SCD5: variants seen among roughly 807,000 people sequenced by gnomAD.
The protein encoded by SCD5 is stearoyl-CoA desaturase 5.
A neutral mutation model predicts 30.4 loss-of-function variants in SCD5; 20 were observed. The observed-to-expected ratio is 0.66, with a 90% confidence interval of 0.46 to 0.96. SCD5 has a LOEUF of 0.96. Ranked by LOEUF, SCD5 falls within the 40% of genes least tolerant of loss-of-function variation. The pLI, the probability that SCD5 is intolerant of heterozygous loss-of-function variation, is 0.00. For synonymous variants in SCD5, 173 were observed against 176.4 expected, an observed-to-expected ratio of 0.98 and a Z score of 0.16; for missense variants, 381 against 443.3, an observed-to-expected ratio of 0.86 and a Z score of 1.26.
chr4:82,654,574 A>T (rs1481832398), intron 3 of SCD5, among the ~76,000 whole-genome samples: 1 of 152,144 alleles, frequency 6.6e-6, no homozygotes, highest in African/African-American at 2.4e-5. Context: ...GGAGAATGTG[A>T]ACTTCTAATT....
rs571434017 is a variant in SCD5, at chr4:82,790,292, T to C, written c.232+8014A>G. ...CCAGTGGGAAGGCTGCAGGGAGCCC[T>C]GGGCAGCCTCTCTTTCCACAAACCA... On this transcript the variant is annotated intron_variant, in intron 1 of 4. Coordinates refer to ENST00000319540, the MANE Select transcript of SCD5 (RefSeq NM_001037582.3). Among the ~76,000 whole-genome samples the C allele has an allele frequency of 5.3e-5, 8 of 152,328 alleles. No homozygotes were observed. The South Asian group carries it at 1.7e-3, about 32-fold the overall frequency.
intron 3 of SCD5, among the ~76,000 whole-genome samples, chr4:82,676,423 C>A (rs1728437872): frequency 6.6e-6 from 1 of 152,154 alleles, no homozygotes. Flanking sequence ...GGTGGAAGTC[C>A]CTAGCCTGTG....
chr4:82,665,215 T>C (rs1261768673), intron 3 of SCD5, among the ~76,000 whole-genome samples: 2 of 125,658 alleles, frequency 1.6e-5, no homozygotes, highest in South Asian at 5.1e-4. Context: ...GAAGCCTGAG[T>C]GATGAGACCC....
rs539329081 is a variant in SCD5 at position 82,630,874 on chromosome 4, C to G, written c.*453G>C. ...CTGTAATCCCAGCTCTTTGGGAGGC[C>G]GAGGCGGGTGGATTGCCTGAGGTCA... On this transcript the variant is annotated 3_prime_UTR_variant, in exon 5 of 5. Transcript: ENST00000319540. The G allele has an allele frequency of 5.2e-4, 79 of 152,474 alleles. No individual in the cohort carries two copies. The highest frequency in any genetic ancestry group is 9.2e-4 in the Admixed American group (14 of 15,298). 9.4% of individuals were successfully genotyped at this position (152,474 alleles called of 1,614,324 possible).
At chr4:82,710,807 A>AGAGG (rs1218357905) in intron 1 of SCD5, among the ~76,000 whole-genome samples, 5 of 140,638 alleles carry the variant, frequency 3.6e-5, no homozygotes, top group South Asian at 2.7e-4. Context: ...GGAGAGGGAG[A>AGAGG]GAGGGAGGGA....
chr4:82,781,372 C>T (rs141614861), intron 1 of SCD5, among the ~76,000 whole-genome samples: 3,472 of 151,068 alleles, frequency 0.023, 134 homozygotes, highest in African/African-American at 0.079. Flanking sequence ...GCTGGGATCA[C>T]GCCACTGCAC....
intron 1 of SCD5, among the ~76,000 whole-genome samples, chr4:82,774,085 T>C (rs1721686767): frequency 1.6e-5 from 2 of 125,240 alleles, no homozygotes; most frequent in Non-Finnish European, 3.3e-5. Context: ...TGAGACTCCA[T>C]CTCAAAAAAA....
At chr4:82,711,741 A>G (rs953226467) in intron 1 of SCD5, among the ~76,000 whole-genome samples, 2 of 151,932 alleles carry the variant, frequency 1.3e-5, no homozygotes, top group African/African-American at 4.8e-5. Flanking sequence ...AATGTCAAAC[A>G]TGTCAATAGT....
At chr4:82,740,615 C>G (rs1474894543) in intron 1 of SCD5, among the ~76,000 whole-genome samples, 1 of 152,208 alleles carries the variant, frequency 6.6e-6, no homozygotes, top group South Asian at 2.1e-4. Context: ...GAACCCTATT[C>G]TCTAAACCAA....
chr4:82,705,088 C>G (rs1719939901), intron 2 of SCD5, among the ~76,000 whole-genome samples, 195 bp downstream of exon 2: 2 of 152,218 alleles, frequency 1.3e-5, no homozygotes, highest in African/African-American at 2.4e-5. Flanking sequence ...CCTTAGGGCA[C>G]AAAACCCCCC....
intron 1 of SCD5, among the ~76,000 whole-genome samples, chr4:82,705,621 C>A (rs866033803): frequency 2.6e-5 from 4 of 152,230 alleles, no homozygotes; most frequent in South Asian, 2.1e-4. Flanking sequence ...CTTTCTTCAG[C>A]AAACTTTGAC....
intron 2 of SCD5, among the ~76,000 whole-genome samples, chr4:82,701,190 T>C (rs1286368959): frequency 6.6e-6 from 1 of 152,188 alleles, no homozygotes; most frequent in Non-Finnish European, 1.5e-5. Context: ...TTCGATTAGT[T>C]GTAAATGTAT....
intron 3 of SCD5, among the ~76,000 whole-genome samples, chr4:82,642,051 G>C (rs1379991117): frequency 1.3e-5 from 2 of 152,096 alleles, no homozygotes; most frequent in Non-Finnish European, 2.9e-5. Flanking sequence ...CCTAGAGAGA[G>C]ATGGGGACGG....
intron 3 of SCD5, 108 bp downstream of exon 3, chr4:82,680,599 A>T: frequency 1.0e-6 from 1 of 980,228 alleles, no homozygotes; most frequent in Non-Finnish European, 1.5e-6. Context: ...CAAAATTGTT[A>T]GGGCAAATGC....
intron 1 of SCD5, among the ~76,000 whole-genome samples, chr4:82,737,441 C>T (rs1371017252): frequency 6.6e-6 from 1 of 152,064 alleles, no homozygotes; most frequent in Non-Finnish European, 1.5e-5. Flanking sequence ...CCCTCTAAGT[C>T]ACTTTGACTA....
chr4:82,725,585 C>T (rs1187135676), intron 1 of SCD5, among the ~76,000 whole-genome samples: 1 of 152,024 alleles, frequency 6.6e-6, no homozygotes, highest in Non-Finnish European at 1.5e-5. Flanking sequence ...CTGGACCGGG[C>T]GTGGTGGCTC....
rs568096890 is a variant in SCD5 at position 82,761,895 on chromosome 4, G to A, written c.232+36411C>T. ...CCTAGAAACCTTACACTCCATGGCCGGGCGTAGTGGCTCATGCCTGTAATC... is the reference window on the plus strand; with the variant it reads ...CCTAGAAACCTTACACTCCATGGCCAGGCGTAGTGGCTCATGCCTGTAATC... On this transcript the variant is annotated intron_variant, in intron 1 of 4. Transcript: ENST00000319540. Among the ~76,000 whole-genome samples, 4 of 152,004 alleles carry A rather than the reference G, an allele frequency of 2.6e-5. No homozygotes were observed. The South Asian group carries it at 6.2e-4, about 24-fold the overall frequency.
At chr4:82,642,962 A>C (rs1727573991) in intron 3 of SCD5, among the ~76,000 whole-genome samples, 1 of 151,994 alleles carries the variant, frequency 6.6e-6, no homozygotes, top group South Asian at 2.1e-4. Flanking sequence ...GGTAATGTAG[A>C]CCCTACCCAG....
At position 82,631,237 on chromosome 4, in the gene SCD5, C is replaced by T. The variant is rs531368075; in HGVS notation, c.*90G>A. The T allele has an allele frequency of 2.6e-6, 3 of 1,147,362 alleles. No homozygotes were observed. Among genetic ancestry groups the T allele is most frequent in the Non-Finnish European group, 3.6e-6 (3 of 826,006 alleles). 71.1% of individuals were successfully genotyped at this position (1,147,362 alleles called of 1,614,324 possible). A position where few individuals can be genotyped will look rare whatever the true frequency, so the allele number is the denominator to read the frequency against. On this transcript the variant is annotated 3_prime_UTR_variant, in exon 5 of 5. Coordinates refer to ENST00000319540, the MANE Select transcript of SCD5 (RefSeq NM_001037582.3). ...TCGTTCCTTCCCCACCCTCTGCCCC[C>T]TCCCACGATCCAATGTACAAGAGAG...
Sources: allele counts gnomAD v4.1 joint callset (sites outside exome capture counted in the v4.1 genomes callset), GRCh38; gene constraint gnomAD v4.1.1; transcripts MANE v1.5; gene names NCBI Gene and HGNC (gene_info 2026-07-23, HGNC 2026-07-21).